The following CDH13 variants were observed in gnomAD, a reference collection of about 807,000 sequenced individuals.
CDH13 encodes the protein cadherin-13.
Under a neutral mutation model 63.8 loss-of-function variants are expected in CDH13, and 24 were observed. The observed-to-expected ratio is 0.38, with a 90% CI of 0.27 to 0.53. CDH13 has a LOEUF of 0.53. CDH13 is among the 20% of genes least tolerant of loss of function. The probability of loss-of-function intolerance (pLI) is 0.85; values close to 1 mark genes in which losing one functional copy is unlikely to be tolerated. For missense variants in CDH13, 1,049 were observed against 903.1 expected (o/e 1.16, Z -2.07); for synonymous variants, 503 against 355.3 (o/e 1.42, Z -4.67).
At chr16:83,409,536 T>G (rs1216040334) in intron 6 of CDH13, among the ~76,000 whole-genome samples, 1 of 152,248 alleles carries the variant, frequency 6.6e-6, no homozygotes, top group African/African-American at 2.4e-5. Flanking sequence ...CTAGGTGATG[T>G]GACTCAGACC....
chr16:83,344,757 G>C (rs2090801350), intron 5 of CDH13, 105 bp from the exon 6 acceptor site: 2 of 1,215,526 alleles, frequency 1.6e-6, no homozygotes, highest in Non-Finnish European at 1.2e-6. Flanking sequence ...TATTGCCAAG[G>C]GCTCATAAAA....
intron 2 of CDH13, among the ~76,000 whole-genome samples, chr16:82,880,751 C>T (rs2040674020): frequency 6.6e-6 from 1 of 152,070 alleles, no homozygotes; most frequent in South Asian, 2.1e-4. Flanking sequence ...GTTGGCCAGC[C>T]CTTCATGACT....
At chr16:82,629,244 G>C (rs773871247) in intron 1 of CDH13, among the ~76,000 whole-genome samples, 2 of 152,166 alleles carry the variant, frequency 1.3e-5, no homozygotes, top group African/African-American at 4.8e-5. Flanking sequence ...GGTTCTGAAG[G>C]CTCACTCTAT....
At chr16:83,255,994 A>G (rs995779872) in intron 5 of CDH13, among the ~76,000 whole-genome samples, 1 of 152,198 alleles carries the variant, frequency 6.6e-6, no homozygotes, top group Non-Finnish European at 1.5e-5. Flanking sequence ...TCCTAGGGCC[A>G]CTGAGGATTA....
rs570670642 is a variant in CDH13, at chr16:82,644,072, C to T, written c.45+16935C>T. The stretch of plus-strand genomic sequence containing the variant: ...TTAGGATGGGGGGTGGTATGGAGGT[C>T]GGGTGGGGAGAAAGAGGAGAGAAAT... On this transcript the variant is annotated intron_variant, in intron 1 of 13. Coordinates refer to ENST00000567109, the MANE Select transcript of CDH13 (RefSeq NM_001257.5). This position sits in a 1 kb window ranked among gnomAD's most constrained non-coding sequence, Gnocchi z 5.7. Among the ~76,000 whole-genome samples the T allele has an allele frequency of 8.8e-4, 133 of 151,894 alleles. No homozygotes were observed. The highest frequency in any genetic ancestry group is 3.4e-3 in the Middle Eastern group (1 of 294).
intron 8 of CDH13, among the ~76,000 whole-genome samples, chr16:83,665,128 A>G (rs903829409): frequency 6.6e-6 from 1 of 152,192 alleles, no homozygotes; most frequent in Non-Finnish European, 1.5e-5. Context: ...TTGTTGGAGC[A>G]TAACAAGAAT....
At chr16:83,294,211 T>C (rs995950075) in intron 5 of CDH13, among the ~76,000 whole-genome samples, 6 of 152,342 alleles carry the variant, frequency 3.9e-5, no homozygotes, top group Middle Eastern at 3.4e-3. Context: ...AACATATGCA[T>C]TATGTCACAG....
Position 82,918,011 on chromosome 16 carries a change from C to G in CDH13, c.157+59538C>G, listed in dbSNP as rs374546609. Reference sequence around the variant, plus strand: ...CAAGTGTATGGGATCCTAAAGCTTCCTGACAATTGCAAATGTTAAATAAGC... The same window carrying G: ...CAAGTGTATGGGATCCTAAAGCTTCGTGACAATTGCAAATGTTAAATAAGC... On this transcript the variant is annotated intron_variant, in intron 2 of 13. Coordinates refer to ENST00000567109, the MANE Select transcript of CDH13 (RefSeq NM_001257.5). 4.0e-5 allele frequency among the ~76,000 whole-genome samples: 6 copies of G among 151,798 alleles called. No homozygotes were observed. The East Asian group carries it at 1.2e-3, about 29-fold the overall frequency.
chr16:83,731,970 G>C (rs1296028334), intron 10 of CDH13, among the ~76,000 whole-genome samples: 1 of 152,258 alleles, frequency 6.6e-6, no homozygotes, highest in African/African-American at 2.4e-5. Context: ...AAGGCTGAAA[G>C]TAAATGTTTT....
intron 7 of CDH13, among the ~76,000 whole-genome samples, chr16:83,504,402 C>G (rs1309834671): frequency 6.6e-6 from 1 of 152,220 alleles, no homozygotes; most frequent in Non-Finnish European, 1.5e-5. Flanking sequence ...AACACAGCAA[C>G]TTTCCTATGA....
intron 13 of CDH13, among the ~76,000 whole-genome samples, chr16:83,787,602 A>G (rs1324015762): frequency 2.0e-5 from 3 of 152,194 alleles, no homozygotes; most frequent in Non-Finnish European, 2.9e-5. Context: ...ACAGACCACA[A>G]GCCCAGCACT....
At chr16:82,886,680 G>A (rs757474454) in intron 2 of CDH13, among the ~76,000 whole-genome samples, 29 of 151,800 alleles carry the variant, frequency 1.9e-4, no homozygotes, top group African/African-American at 5.8e-4. Flanking sequence ...ATTGGACACC[G>A]GCTCCATGCA....
intron 6 of CDH13, among the ~76,000 whole-genome samples, chr16:83,392,858 A>C (rs180807653): frequency 6.6e-6 from 1 of 152,046 alleles, no homozygotes; most frequent in Non-Finnish European, 1.5e-5. Context: ...TTCTAGAAGG[A>C]GGTGGGCCTG....
chr16:82,827,400 T>C (rs1751604383), intron 1 of CDH13, among the ~76,000 whole-genome samples: 1 of 151,760 alleles, frequency 6.6e-6, no homozygotes, highest in Admixed American at 6.6e-5. Flanking sequence ...ACTCACAGAG[T>C]GAGGGAGGTG....
intron 1 of CDH13, among the ~76,000 whole-genome samples, chr16:82,850,844 T>C (rs1445578728): frequency 6.6e-6 from 1 of 152,242 alleles, no homozygotes; most frequent in Non-Finnish European, 1.5e-5. Flanking sequence ...TAGCATTTTT[T>C]AGTAAAAACG....
chr16:83,126,182 G>C (rs192956495), intron 4 of CDH13, among the ~76,000 whole-genome samples: 2 of 152,304 alleles, frequency 1.3e-5, no homozygotes, highest in East Asian at 3.9e-4. Context: ...CTCAGGAAAA[G>C]AGTTTTCTCA....
intron 6 of CDH13, among the ~76,000 whole-genome samples, chr16:83,469,206 C>G (rs1201950419): frequency 2.6e-5 from 4 of 152,090 alleles, no homozygotes; most frequent in Non-Finnish European, 2.9e-5. Flanking sequence ...GTTTTTTCAG[C>G]TTGACTTGCA....
chr16:83,344,779 A>G, intron 5 of CDH13, 83 bp from the exon 6 acceptor site: 2 of 1,491,122 alleles, frequency 1.3e-6, no homozygotes, highest in Non-Finnish European at 1.8e-6. Context: ...TGTCGATATA[A>G]CCTACTTTCT....
intron 4 of CDH13, among the ~76,000 whole-genome samples, chr16:83,133,558 G>C (rs2036148948): frequency 6.6e-6 from 1 of 152,136 alleles, no homozygotes; most frequent in African/African-American, 2.4e-5. Context: ...GAATGCAGTG[G>C]CGTGATCTGT....
Sources: gnomAD v4.1 joint callset for allele counts (sites outside exome capture counted in the v4.1 genomes callset) on GRCh38, gnomAD v4.1.1 for gene constraint, Gnocchi (gnomAD v3.1) non-coding constraint, MANE v1.5 for transcripts, NCBI Gene and HGNC (gene_info 2026-07-23, HGNC 2026-07-21) for gene names.